Variants in RPL22 observed in about 807,000 individuals in gnomAD.
RPL22 encodes the protein ribosomal protein L22, also known as large ribosomal subunit protein eL22.
In RPL22, 4 loss-of-function variants were observed where a neutral mutation model predicts 16.2. That is an observed-to-expected ratio of 0.25 (90% CI 0.12 to 0.57). RPL22 has a LOEUF of 0.57. Ranked by LOEUF, RPL22 falls within the 20% of genes least tolerant of loss-of-function variation. The pLI is 0.92. For missense variants in RPL22, 83 were observed against 156.1 expected, an observed-to-expected ratio of 0.53 and a Z score of 2.49; for synonymous variants, 43 against 54.8, an observed-to-expected ratio of 0.78 and a Z score of 0.95.
At chr1:6,197,239 C>T (rs1667732110) in intron 2 of RPL22, among the ~76,000 whole-genome samples, 1 of 152,178 alleles carries the variant, frequency 6.6e-6, no homozygotes, top group Non-Finnish European at 1.5e-5. Flanking sequence ...ACTATGTTGG[C>T]CAGACTGGTC....
chr1:6,198,707 T>C (rs890571342), intron 1 of RPL22: 7 of 152,360 alleles, frequency 4.6e-5, no homozygotes, highest in African/African-American at 1.7e-4. Context: ...TTACAACGTC[T>C]CTTCGCAGTA....
chr1:6,198,581 T>A (rs1667750604), intron 1 of RPL22: 1 of 152,240 alleles, frequency 6.6e-6, no homozygotes, highest in South Asian at 2.1e-4. Flanking sequence ...CTAAATAGAC[T>A]TTTCCAAAAA....
chr1:6,196,545 C>T (rs1330065509), intron 2 of RPL22, among the ~76,000 whole-genome samples: 1 of 152,144 alleles, frequency 6.6e-6, no homozygotes, highest in African/African-American at 2.4e-5. Flanking sequence ...GGCAATAGTT[C>T]AACCTTCTGG....
At chr1:6,195,148 A>G (rs753143794) in intron 2 of RPL22, among the ~76,000 whole-genome samples, 3 of 151,510 alleles carry the variant, frequency 2.0e-5, no homozygotes, top group Non-Finnish European at 4.4e-5. Context: ...AAATAAATAA[A>G]TAAATAAAAA....
At chr1:6,197,464 G>C (rs570639389) in intron 2 of RPL22, among the ~76,000 whole-genome samples, 188 bp downstream of exon 2, 1 of 152,222 alleles carries the variant, frequency 6.6e-6, no homozygotes, top group East Asian at 1.9e-4. Context: ...CACAACTGTT[G>C]CACACACAAG....
intron 2 of RPL22, among the ~76,000 whole-genome samples, chr1:6,197,146 C>T (rs1054093928): frequency 6.6e-6 from 1 of 152,248 alleles, no homozygotes; most frequent in African/African-American, 2.4e-5. Flanking sequence ...TCTTCTACTG[C>T]AGCCTCCCGA....
chr1:6,186,814 T>C lies in RPL22; in HGVS notation c.245A>G (p.Tyr82Cys). 6.2e-7 allele frequency: 1 copy of C among 1,613,208 alleles called. No homozygotes were observed. Among genetic ancestry groups the C allele is most frequent in the Non-Finnish European group, 8.5e-7 (1 of 1,179,664 alleles). Residue 82 changes from tyrosine (Y) to cysteine (C), a missense_variant and splice_region_variant, in exon 4 of 4, where the codon TAT becomes TGT. By Grantham distance (194) the Tyr-to-Cys change is radical (BLOSUM62 -2). Transcript: ENST00000234875. ...VTSEVPFSKR[Y>C]LKYLTKKYLK... The stretch of plus-strand genomic sequence containing the variant: ...ATATTTTTTGGTGAGATATTTCAAA[T>C]ACCTGCAGAGAAAGGACACAAGAAC...
At chr1:6,186,954 G>A in intron 3 of RPL22, 138 bp from the exon 4 acceptor site, 1 of 1,244,268 alleles carries the variant, frequency 8.0e-7, no homozygotes, top group Admixed American at 2.4e-5. Flanking sequence ...GCAAAGGTAA[G>A]GCAAATACAC....
intron 1 of RPL22, chr1:6,198,880 G>C (rs1667755136): frequency 6.6e-6 from 1 of 152,164 alleles, no homozygotes; most frequent in South Asian, 2.1e-4. Context: ...TGTTAACCAG[G>C]GAGTCCCAAC....
Position 6,185,245 on chromosome 1 carries a change from C to G in RPL22, c.*1427G>C. 1 of 398,712 alleles carries G rather than the reference C, an allele frequency of 2.5e-6. No individual in the cohort carries two copies. The highest frequency in any genetic ancestry group is 4.4e-6 in the Non-Finnish European group (1 of 225,988). 24.7% of individuals were successfully genotyped at this position (398,712 alleles called of 1,614,324 possible). ...TTACTACATGGGAACATCAATGCAA[C>G]AAGTAGAATTTGTAAACTCAAGCCA... On this transcript the variant is annotated 3_prime_UTR_variant, in exon 4 of 4. Coordinates refer to ENST00000234875, the MANE Select transcript of RPL22 (RefSeq NM_000983.4).
chr1:6,199,103 A>G (rs1571189979), intron 1 of RPL22: 1 of 176,098 alleles, frequency 5.7e-6, no homozygotes, highest in African/African-American at 2.4e-5. Flanking sequence ...AGCTCCTCAA[A>G]CCCAGGCCTC....
At chr1:6,191,075 T>C (rs1266680166) in intron 3 of RPL22, among the ~76,000 whole-genome samples, 3 of 151,660 alleles carry the variant, frequency 2.0e-5, no homozygotes, top group African/African-American at 4.8e-5. Context: ...AATACAATAA[T>C]TAGGCCGGGC....
chr1:6,199,548 G>T lies in RPL22; in HGVS notation c.12+14C>A, dbSNP rs750944709. On this transcript the variant is annotated intron_variant, in intron 1 of 3. Transcript: ENST00000234875. ...CTCCCCTGGAGCCGAGGCCTCACGC[G>T]GAGCCATACTAACCACAGGAGCCAT... is the stretch of plus-strand genomic sequence containing the variant. 1 of 1,561,288 alleles carries T rather than the reference G, an allele frequency of 6.4e-7. No homozygotes were observed. The highest frequency in any genetic ancestry group is 1.2e-5 in the South Asian group (1 of 84,550).
rs1245843625 is a variant in RPL22 at position 6,185,230 on chromosome 1, G to A, written c.*1442C>T. On this transcript the variant is annotated 3_prime_UTR_variant, in exon 4 of 4. Transcript: ENST00000234875. ...CAAACTAAAAATGACTTACTACATG[G>A]GAACATCAATGCAACAAGTAGAATT... 3 of 398,272 alleles carry A rather than the reference G, an allele frequency of 7.5e-6. No individual in the cohort carries two copies. The East Asian group carries it at 1.1e-4, about 14-fold the overall frequency. 24.7% of individuals were successfully genotyped at this position (398,272 alleles called of 1,614,324 possible).
intron 3 of RPL22, among the ~76,000 whole-genome samples, chr1:6,188,174 G>C (rs921627263): frequency 1.3e-5 from 2 of 152,190 alleles, no homozygotes; most frequent in Non-Finnish European, 2.9e-5. Flanking sequence ...TGGGATTACA[G>C]GTGTATAACA....
intron 2 of RPL22, among the ~76,000 whole-genome samples, chr1:6,196,798 T>A (rs1470249436): frequency 1.3e-5 from 2 of 148,826 alleles, no homozygotes; most frequent in Non-Finnish European, 1.5e-5. Flanking sequence ...AAAAAAAAGC[T>A]CCAATTACAA....
At chr1:6,187,236 A>G (rs961104785) in intron 3 of RPL22, among the ~76,000 whole-genome samples, 10 of 152,124 alleles carry the variant, frequency 6.6e-5, no homozygotes, top group Admixed American at 3.9e-4. Context: ...TGAATCCAGG[A>G]GGCGGAGGGT....
At chr1:6,194,289 C>CG (rs1170177061) in intron 2 of RPL22, among the ~76,000 whole-genome samples, 1 of 152,208 alleles carries the variant, frequency 6.6e-6, no homozygotes, top group Non-Finnish European at 1.5e-5. Flanking sequence ...GTATAAAACA[C>CG]TGTTCACAGC....
rs146600452 is a variant in RPL22 at position 6,197,152 on chromosome 1, C to G, written c.117+500G>C. On this transcript the variant is annotated intron_variant, in intron 2 of 3. Transcript: ENST00000234875. ...TCACGCGATTCTTCTACTGCAGCCT[C>G]CCGAGTAGCTGGGATTACAGGTGCA... Among the ~76,000 whole-genome samples the G allele has an allele frequency of 6.4e-3, 969 of 152,334 alleles. 11 individuals are homozygous for G. Among genetic ancestry groups the G allele is most frequent in the African/African-American group, 0.022 (912 of 41,582 alleles).
Sources: allele counts gnomAD v4.1 joint callset (sites outside exome capture counted in the v4.1 genomes callset), GRCh38; gene constraint gnomAD v4.1.1; transcripts MANE v1.5; gene names NCBI Gene and HGNC (gene_info 2026-07-23, HGNC 2026-07-21).